Variants in PPARGC1A observed in about 807,000 individuals in gnomAD.
PPARGC1A encodes the protein peroxisome proliferator-activated receptor gamma coactivator 1-alpha.
Under a neutral mutation model 88.7 loss-of-function variants are expected in PPARGC1A, and 25 were observed. The ratio of observed to expected loss-of-function variants is 0.28; its 90% CI spans 0.21 to 0.39. The LOEUF (loss-of-function observed/expected upper bound fraction) is 0.39, where lower values mean the gene tolerates loss of function less well. Ranked by LOEUF, PPARGC1A falls within the 10% of genes least tolerant of loss-of-function variation. The pLI is 1.00. For missense variants in PPARGC1A, 880 were observed against 968.7 expected (o/e 0.91, Z 1.22); for synonymous variants, 363 against 355.6 (o/e 1.02, Z -0.24).
chr4:24,133,854 T>C, the PPARGC1A span, among the ~76,000 whole-genome samples: 3 of 152,214 alleles, frequency 2.0e-5, no homozygotes, highest in East Asian at 1.9e-4. Flanking sequence ...CTCCTTCTAC[T>C]AGAATAAGGA....
chr4:24,103,565 T>A, the PPARGC1A span, among the ~76,000 whole-genome samples: 10 of 148,494 alleles, frequency 6.7e-5, no homozygotes, highest in East Asian at 2.0e-3. Flanking sequence ...AAAGTTGTTT[T>A]GCTTTTAAGA....
At chr4:24,077,628 T>TGTGTGG in the PPARGC1A span, among the ~76,000 whole-genome samples, 1 of 71,828 alleles carries the variant, frequency 1.4e-5, no homozygotes, top group Non-Finnish European at 2.7e-5. Context: ...TCTAGGGGTG[T>TGTGTGG]GTGTGTGTGT....
chr4:24,397,801 T>C, the PPARGC1A span, among the ~76,000 whole-genome samples: 5 of 152,206 alleles, frequency 3.3e-5, no homozygotes, highest in Non-Finnish European at 7.3e-5. Context: ...ATAGCAAATA[T>C]AGTGCAAAAT....
chr4:24,108,865 G>T, the PPARGC1A span, among the ~76,000 whole-genome samples: 1 of 151,980 alleles, frequency 6.6e-6, no homozygotes, highest in African/African-American at 2.4e-5. Flanking sequence ...GGAAAAAAAA[G>T]GATGTGTTGA....
chr4:23,867,953 GC>G (rs1712388541), intron 2 of PPARGC1A, among the ~76,000 whole-genome samples: 1 of 152,198 alleles, frequency 6.6e-6, no homozygotes, highest in Non-Finnish European at 1.5e-5. Flanking sequence ...GTCAAAACCA[GC>G]CAGGAAATAC....
the PPARGC1A span, among the ~76,000 whole-genome samples, chr4:24,354,748 A>G: frequency 5.3e-5 from 8 of 152,052 alleles, no homozygotes; most frequent in South Asian, 2.1e-4. Flanking sequence ...TTAGCCGGGC[A>G]TGGTGGCAGG....
At chr4:24,059,502 A>C in the PPARGC1A span, among the ~76,000 whole-genome samples, 51,879 of 151,932 alleles carry the variant, frequency 0.34, 8,997 homozygotes, top group South Asian at 0.41. Flanking sequence ...ATTCATCCTA[A>C]TGAAAAGCAC....
the PPARGC1A span, among the ~76,000 whole-genome samples, chr4:24,169,355 AGG>A: frequency 1.3e-5 from 2 of 152,138 alleles, no homozygotes; most frequent in Non-Finnish European, 2.9e-5. Flanking sequence ...GAACAGAAAA[AGG>A]ATGTGAGGTA....
At chr4:24,375,515 A>C in the PPARGC1A span, among the ~76,000 whole-genome samples, 1 of 152,206 alleles carries the variant, frequency 6.6e-6, no homozygotes, top group African/African-American at 2.4e-5. Context: ...AGCAAGAATC[A>C]TGCTCAGATC....
the PPARGC1A span, among the ~76,000 whole-genome samples, chr4:24,471,087 C>T: frequency 6.6e-6 from 1 of 151,466 alleles, no homozygotes; most frequent in Non-Finnish European, 1.5e-5. The surrounding 1 kb of genome is among the most constrained non-coding windows in gnomAD (Gnocchi z 5.4). Context: ...GGCTGGCGGG[C>T]TCCGGAGGAG....
the PPARGC1A span, among the ~76,000 whole-genome samples, chr4:24,160,299 T>A: frequency 6.6e-6 from 1 of 152,238 alleles, no homozygotes; most frequent in Admixed American, 6.5e-5. Context: ...TCCTTATTCA[T>A]CTTACATTTT....
At chr4:24,451,431 G>A in the PPARGC1A span, among the ~76,000 whole-genome samples, 5 of 152,154 alleles carry the variant, frequency 3.3e-5, no homozygotes, top group African/African-American at 1.2e-4. Context: ...TTCTACATAT[G>A]TACATAGGTC....
the PPARGC1A span, among the ~76,000 whole-genome samples, chr4:24,283,021 C>A: frequency 6.6e-6 from 1 of 152,140 alleles, no homozygotes; most frequent in Non-Finnish European, 1.5e-5. Flanking sequence ...GCAGTTACTT[C>A]CCGTGCTCCT....
upstream of PPARGC1A, among the ~76,000 whole-genome samples, chr4:23,890,512 T>G (rs1277118144): frequency 2.0e-5 from 3 of 151,694 alleles, no homozygotes; most frequent in Non-Finnish European, 4.4e-5. Context: ...GGACTCAAGC[T>G]CAGTTTGGGA....
the PPARGC1A span, among the ~76,000 whole-genome samples, chr4:24,080,385 A>G: frequency 6.6e-6 from 1 of 151,948 alleles, no homozygotes; most frequent in Non-Finnish European, 1.5e-5. Context: ...TAATTTTTAT[A>G]TATTTATTTT....
the PPARGC1A span, among the ~76,000 whole-genome samples, chr4:24,084,088 C>G: frequency 1.3e-5 from 2 of 152,190 alleles, no homozygotes; most frequent in Non-Finnish European, 2.9e-5. Context: ...TGGTTGTTAA[C>G]CACGCTCTTA....
At chr4:23,922,990 T>C in the PPARGC1A span, among the ~76,000 whole-genome samples, 1 of 152,200 alleles carries the variant, frequency 6.6e-6, no homozygotes, top group Non-Finnish European at 1.5e-5. Context: ...TTCTAGTTCT[T>C]GACTTTTCCC....
the PPARGC1A span, among the ~76,000 whole-genome samples, chr4:23,994,646 G>T: frequency 6.6e-6 from 1 of 152,062 alleles, no homozygotes; most frequent in Admixed American, 6.6e-5. Context: ...TCAAGAGCAG[G>T]GATGCAGCAA....
the PPARGC1A span, among the ~76,000 whole-genome samples, chr4:24,289,119 C>T: frequency 6.7e-6 from 1 of 148,724 alleles, no homozygotes; most frequent in African/African-American, 2.5e-5. Context: ...ACTTGGGAGG[C>T]TGAGGCAGAA....
Sources: gnomAD v4.1 joint callset for allele counts (sites outside exome capture counted in the v4.1 genomes callset) on GRCh38, gnomAD v4.1.1 for gene constraint, Gnocchi (gnomAD v3.1) non-coding constraint, MANE v1.5 for transcripts, NCBI Gene and HGNC (gene_info 2026-07-23, HGNC 2026-07-21) for gene names.